The following WDR93 variants were observed in gnomAD, a reference collection of about 807,000 sequenced individuals.
WDR93 encodes WD repeat-containing protein 93.
A neutral mutation model predicts 82.9 loss-of-function variants in WDR93; 73 were observed. The observed-to-expected ratio is 0.88, with a 90% CI of 0.73 to 1.07. The LOEUF is 1.07. Ranked by LOEUF, WDR93 falls within the 50% of genes least tolerant of loss-of-function variation. WDR93 has a pLI of 0.00. For missense variants in WDR93, 738 were observed against 826.0 expected, an observed-to-expected ratio of 0.89 and a Z score of 1.31; for synonymous variants, 283 against 300.1, an observed-to-expected ratio of 0.94 and a Z score of 0.59.
chr15:89,707,240 A>G (rs1474164760), intron 4 of WDR93, among the ~76,000 whole-genome samples: 1 of 152,208 alleles, frequency 6.6e-6, no homozygotes, highest in Non-Finnish European at 1.5e-5. Flanking sequence ...ATGTATTAGA[A>G]TCCTCAAATT....
chr15:89,710,843 C>T (rs918914890), intron 4 of WDR93, among the ~76,000 whole-genome samples: 1 of 152,138 alleles, frequency 6.6e-6, no homozygotes, highest in East Asian at 1.9e-4. Context: ...GGGAAAGAAT[C>T]AAGCTTTTAT....
intron 2 of WDR93, 106 bp from the exon 3 acceptor site, chr15:89,702,844 A>G (rs940845536): frequency 5.0e-5 from 63 of 1,264,214 alleles, no homozygotes; most frequent in Non-Finnish European, 6.1e-5. Context: ...CAGCCAGGAA[A>G]TGTTATTATT....
chr15:89,717,620 AT>A (rs1211899754), intron 7 of WDR93, among the ~76,000 whole-genome samples: 1 of 152,182 alleles, frequency 6.6e-6, no homozygotes, highest in Admixed American at 6.5e-5. Context: ...ATGGTTATAT[AT>A]TTTTGTAAAA....
chr15:89,742,108 C>A (rs1240537933), intron 16 of WDR93, among the ~76,000 whole-genome samples: 1 of 151,982 alleles, frequency 6.6e-6, no homozygotes, highest in Non-Finnish European at 1.5e-5. Context: ...ACATTACCAG[C>A]CAGGTGCTGT....
chr15:89,704,780 A>C (rs1324456910), intron 3 of WDR93: 1 of 152,288 alleles, frequency 6.6e-6, no homozygotes, highest in Non-Finnish European at 1.5e-5. Flanking sequence ...ACACTACATT[A>C]TACTAGTTGG....
At chr15:89,723,514 G>A (rs1024082729) in intron 8 of WDR93, among the ~76,000 whole-genome samples, 9 of 152,180 alleles carry the variant, frequency 5.9e-5, no homozygotes, top group Admixed American at 5.9e-4. Context: ...GTAAAAGAAT[G>A]TGGTGGTCAG....
At chr15:89,737,792 C>G in intron 15 of WDR93, 63 bp downstream of exon 15, 1 of 1,594,920 alleles carries the variant, frequency 6.3e-7, no homozygotes. Flanking sequence ...CTCTCACAAA[C>G]AGAGAGAGCC....
intron 12 of WDR93, among the ~76,000 whole-genome samples, chr15:89,732,768 A>G (rs1404176730): frequency 1.3e-5 from 2 of 151,710 alleles, no homozygotes; most frequent in Admixed American, 6.6e-5. Flanking sequence ...GCCCTCCTCC[A>G]TGCTCTTGCT....
At chr15:89,736,004 G>A (rs1967136226) in intron 14 of WDR93, among the ~76,000 whole-genome samples, 1 of 152,226 alleles carries the variant, frequency 6.6e-6, no homozygotes, top group South Asian at 2.1e-4. Context: ...GCTGTGGAAT[G>A]TGGAGAGGGA....
chr15:89,697,709 T>G (rs1416452607), intron 1 of WDR93, among the ~76,000 whole-genome samples: 1 of 152,194 alleles, frequency 6.6e-6, no homozygotes, highest in Non-Finnish European at 1.5e-5. Context: ...TGTTTATGTG[T>G]TCTATAATTT....
chr15:89,716,418 A>G (rs1373249324), intron 6 of WDR93, among the ~76,000 whole-genome samples: 1 of 152,178 alleles, frequency 6.6e-6, no homozygotes, highest in African/African-American at 2.4e-5. Context: ...GTTTGGACTA[A>G]TTTGTTATCC....
At chr15:89,700,110 T>C (rs1313411943) in intron 1 of WDR93, among the ~76,000 whole-genome samples, 1 of 152,198 alleles carries the variant, frequency 6.6e-6, no homozygotes, top group Non-Finnish European at 1.5e-5. Context: ...ATCTAACTTC[T>C]AAGATTTGAT....
At chr15:89,726,143 T>G (rs950591513) in intron 8 of WDR93, among the ~76,000 whole-genome samples, 1 of 152,214 alleles carries the variant, frequency 6.6e-6, no homozygotes, top group Non-Finnish European at 1.5e-5. Flanking sequence ...GGAGAACTCA[T>G]TAAAACCCAG....
chr15:89,734,089 G>A (rs1333674944), intron 13 of WDR93, among the ~76,000 whole-genome samples: 2 of 152,078 alleles, frequency 1.3e-5, no homozygotes, highest in Non-Finnish European at 2.9e-5. Context: ...GTTGGAAATC[G>A]ATAATCTCCA....
At chr15:89,706,842 T>C (rs1001265958) in intron 4 of WDR93, among the ~76,000 whole-genome samples, 1 of 152,162 alleles carries the variant, frequency 6.6e-6, no homozygotes, top group South Asian at 2.1e-4. Context: ...CCTAAAACTA[T>C]AAAACTTCTA....
rs1397666242 is a variant in WDR93 at position 89,738,062 on chromosome 15, C to T, written c.1787C>T (p.Ala596Val). 9 of 1,611,398 alleles carry T rather than the reference C, an allele frequency of 5.6e-6. No individual in the cohort carries two copies. The highest frequency in any genetic ancestry group is 2.2e-5 in the South Asian group (2 of 90,656). ...LLRGDYSHET[A>V]STDDAGIQYS... is the part of the protein sequence containing the mutation. ...ACAGGAGACTATTCACATGAAACTG[C>T]GTCCACCGACGATGCTGGAATCCAA... is the stretch of plus-strand genomic sequence containing the variant. The change falls in exon 16 of 17, where the codon GCG becomes GTG. Residue 596 changes from alanine (A) to valine (V), a missense_variant. Ala to Val is a moderately conservative substitution (Grantham distance 64). Transcript: ENST00000268130.
At position 89,731,574 on chromosome 15, in the gene WDR93, C is replaced by T; in HGVS notation, c.1330+12C>T. The stretch of plus-strand genomic sequence containing the variant: ...GGACCTGGCCAAAGGTAAGTCCTCC[C>T]TGCCTCTCTACCTAGTACCTGGGTG... On this transcript the variant is annotated intron_variant, in intron 12 of 16. Coordinates refer to ENST00000268130, the MANE Select transcript of WDR93 (RefSeq NM_020212.2). 1 of 1,613,930 alleles carries T rather than the reference C, an allele frequency of 6.2e-7. No homozygotes were observed. The highest frequency in any genetic ancestry group is 8.5e-7 in the Non-Finnish European group (1 of 1,179,940).
intron 2 of WDR93, among the ~76,000 whole-genome samples, chr15:89,702,313 T>G (rs1447126287): frequency 6.6e-6 from 1 of 152,204 alleles, no homozygotes. Flanking sequence ...TAATCTACTC[T>G]CTTGCTGGAT....
rs746385100 is a variant in WDR93, at chr15:89,733,147, G to T, written c.1472G>T (p.Cys491Phe). 3 of 1,614,016 alleles carry T rather than the reference G, an allele frequency of 1.9e-6. No individual in the cohort carries two copies. The highest frequency in any genetic ancestry group is 2.7e-5 in the African/African-American group (2 of 74,928). ...VKSQMKCVVL[C>F]TDASLHLVEA... is the part of the protein sequence containing the mutation. Reference sequence around the variant, plus strand: ...TCCCAAATGAAATGTGTGGTGCTGTGCACAGACGCCTCCCTCCATCTGGTG... The same window carrying T: ...TCCCAAATGAAATGTGTGGTGCTGTTCACAGACGCCTCCCTCCATCTGGTG... The change falls in exon 13 of 17, where the codon TGC becomes TTC. Residue 491 changes from cysteine (C) to phenylalanine (F), a missense_variant. By Grantham distance (205) the Cys-to-Phe change is radical. Coordinates refer to ENST00000268130, the MANE Select transcript of WDR93 (RefSeq NM_020212.2).
Sources: gnomAD v4.1 joint callset for allele counts (sites outside exome capture counted in the v4.1 genomes callset) on GRCh38, gnomAD v4.1.1 for gene constraint, MANE v1.5 for transcripts, NCBI Gene and HGNC (gene_info 2026-07-23, HGNC 2026-07-21) for gene names.